The following ANTXR2 variants were observed in gnomAD, a reference collection of about 807,000 sequenced individuals.
The protein encoded by ANTXR2 is ANTXR cell adhesion molecule 2.
ANTXR2 carries 44 observed loss-of-function variants against 73.7 expected under a neutral mutation model. That is an observed-to-expected ratio of 0.60 (90% CI 0.47 to 0.77). ANTXR2 has a LOEUF of 0.77. Ranked by LOEUF, ANTXR2 falls within the 30% of genes least tolerant of loss-of-function variation. ANTXR2 has a pLI of 0.00. For synonymous variants in ANTXR2, 217 were observed against 205.9 expected (o/e 1.05, Z -0.46); for missense variants, 604 against 592.5 (o/e 1.02, Z -0.20).
chr4:79,961,127 G>T (rs1406626673), intron 16 of ANTXR2, among the ~76,000 whole-genome samples: 2 of 151,890 alleles, frequency 1.3e-5, no homozygotes, highest in African/African-American at 4.8e-5. Context: ...CTTGGACTGG[G>T]TCTTCTGAGC....
intron 7 of ANTXR2, among the ~76,000 whole-genome samples, chr4:80,036,453 A>G (rs909453739): frequency 1.3e-5 from 2 of 152,140 alleles, no homozygotes; most frequent in African/African-American, 4.8e-5. Flanking sequence ...CCAATATAAT[A>G]TCAATAAAAA....
chr4:79,991,842 T>G (rs952438233), intron 12 of ANTXR2, among the ~76,000 whole-genome samples: 3 of 152,092 alleles, frequency 2.0e-5, no homozygotes, highest in Admixed American at 2.0e-4. Context: ...CTCAGAGAAT[T>G]AGCACAGAAA....
chr4:80,031,255 G>GGTGTGTGCATGCACACACAT (rs138066321), intron 10 of ANTXR2, among the ~76,000 whole-genome samples: 15 of 151,492 alleles, frequency 9.9e-5, no homozygotes, highest in South Asian at 6.3e-4. Flanking sequence ...TTTTGAACTG[G>GGTGTGTGCATGCACACACAT]GTGTGTGCAT....
At chr4:79,937,209 T>C (rs941009833) in intron 16 of ANTXR2, among the ~76,000 whole-genome samples, 3 of 152,204 alleles carry the variant, frequency 2.0e-5, no homozygotes, top group African/African-American at 7.2e-5. Flanking sequence ...ATATTCTTAA[T>C]GAAGCAATTG....
intron 16 of ANTXR2, among the ~76,000 whole-genome samples, chr4:79,937,768 G>T (rs902265681): frequency 6.6e-6 from 1 of 151,864 alleles, no homozygotes; most frequent in East Asian, 1.9e-4. Context: ...AGCTCCCAGC[G>T]TGAGCGACGC....
intron 7 of ANTXR2, among the ~76,000 whole-genome samples, chr4:80,048,853 T>C (rs1301994606): frequency 6.6e-6 from 1 of 151,712 alleles, no homozygotes; most frequent in Non-Finnish European, 1.5e-5. Flanking sequence ...GAAGCTTATA[T>C]CTCCAGCACT....
intron 16 of ANTXR2, among the ~76,000 whole-genome samples, chr4:79,927,095 TAAAA>T (rs35207161): frequency 6.7e-6 from 1 of 149,630 alleles, no homozygotes; most frequent in African/African-American, 2.4e-5. Flanking sequence ...TATTCAGCCT[TAAAA>T]AAAAGGAGGT....
At chr4:80,006,093 A>G (rs1218143930) in intron 12 of ANTXR2, among the ~76,000 whole-genome samples, 2 of 152,158 alleles carry the variant, frequency 1.3e-5, no homozygotes, top group East Asian at 3.8e-4. Flanking sequence ...ATTGGGAGTC[A>G]TCAGGTCAGT....
At chr4:79,948,192 G>A (rs1438234464) in intron 16 of ANTXR2, among the ~76,000 whole-genome samples, 1 of 152,102 alleles carries the variant, frequency 6.6e-6, no homozygotes, top group Non-Finnish European at 1.5e-5. Context: ...TGCTAGTTAT[G>A]TGGCATCCTT....
rs759670548 is a variant in ANTXR2 at position 80,033,475 on chromosome 4, T to C, written c.793A>G (p.Thr265Ala). The C allele has an allele frequency of 1.3e-6, 2 of 1,594,826 alleles. No individual in the cohort carries two copies. The highest frequency in any genetic ancestry group is 3.5e-5 in the Admixed American group (2 of 57,146). The part of the protein sequence containing the change: ...CTYTVNETYT[T>A]SVKPVSVQLN... ...ACTGAGATTACTGGGGACCTACTCGTTGTATATGTTTCATTTACAGTGTAA... is the reference window on the plus strand; with the variant it reads ...ACTGAGATTACTGGGGACCTACTCGCTGTATATGTTTCATTTACAGTGTAA... The change falls in exon 9 of 17, where the codon ACG (threonine) becomes GCG (alanine). Residue 265 changes from threonine (T) to alanine (A), a missense_variant. Transcript: ENST00000403729.
At chr4:79,958,418 T>C (rs1267070296) in intron 16 of ANTXR2, among the ~76,000 whole-genome samples, 1 of 152,170 alleles carries the variant, frequency 6.6e-6, no homozygotes, top group African/African-American at 2.4e-5. Context: ...ATGAAAAGTG[T>C]ATTAAGAGCT....
At chr4:80,046,907 T>C (rs536129359) in intron 7 of ANTXR2, among the ~76,000 whole-genome samples, 3 of 151,714 alleles carry the variant, frequency 2.0e-5, no homozygotes, top group Admixed American at 2.0e-4. Flanking sequence ...AATTGTACAT[T>C]TTTCCTCATA....
In ANTXR2 at chr4:79,901,150, A is replaced by G. The variant is rs1726685462; in HGVS notation, c.*6279T>C. On this transcript the variant is annotated 3_prime_UTR_variant, in exon 17 of 17. Transcript: ENST00000403729. ...ACAGAGACTTTCAGAACTAGAGGATATTAAAAAAAGAACTAAAAAGAACAC... is the reference window on the plus strand; with the variant it reads ...ACAGAGACTTTCAGAACTAGAGGATGTTAAAAAAAGAACTAAAAAGAACAC... The G allele has an allele frequency of 6.6e-6, 1 of 152,220 alleles. No homozygotes were observed. Among genetic ancestry groups the G allele is most frequent in the Non-Finnish European group, 1.5e-5 (1 of 68,034 alleles). 9.4% of individuals were successfully genotyped at this position (152,220 alleles called of 1,614,324 possible). A position where few individuals can be genotyped will look rare whatever the true frequency, so the allele number is the denominator to read the frequency against.
intron 7 of ANTXR2, among the ~76,000 whole-genome samples, chr4:80,043,778 A>G (rs1409408508): frequency 1.3e-5 from 2 of 151,978 alleles, no homozygotes; most frequent in African/African-American, 4.8e-5. Flanking sequence ...CCTTGAGATT[A>G]TAGATGTTTG....
chr4:79,912,277 T>C (rs1223208581), intron 16 of ANTXR2, among the ~76,000 whole-genome samples: 1 of 151,970 alleles, frequency 6.6e-6, no homozygotes, highest in African/African-American at 2.4e-5. Context: ...AGTTATGTTG[T>C]AGCTGACCTT....
At position 80,029,337 on chromosome 4, in the gene ANTXR2, A is replaced by AT. The variant is rs78158361; in HGVS notation, c.866+2285dup. ...TAGTCACTATTATTTGAAAGCCAAG[A>AT]TTTTTTTTTTCTGCTTTAAATAGTA... is the stretch of plus-strand genomic sequence containing the variant. On this transcript the variant is annotated intron_variant, in intron 10 of 16. Coordinates refer to ENST00000403729, the MANE Select transcript of ANTXR2 (RefSeq NM_058172.6). Among the ~76,000 whole-genome samples the AT allele has an allele frequency of 4.5e-3, 684 of 150,620 alleles. 7 individuals are homozygous for AT. The highest frequency in any genetic ancestry group is 0.016 in the African/African-American group (638 of 41,104).
At chr4:79,924,928 C>T (rs1324233059) in intron 16 of ANTXR2, among the ~76,000 whole-genome samples, 1 of 152,102 alleles carries the variant, frequency 6.6e-6, no homozygotes, top group Non-Finnish European at 1.5e-5. Context: ...AACATCCTAT[C>T]ATTACAGATA....
chr4:79,980,727 CTCCGTTCCAGCTT>C (rs1159974767), intron 14 of ANTXR2, among the ~76,000 whole-genome samples: 1 of 152,074 alleles, frequency 6.6e-6, no homozygotes, highest in East Asian at 1.9e-4. Context: ...TTAACATCAT[CTCCGTTCCAGCTT>C]TCTAAAAATT....
At chr4:79,964,760 G>A (rs1729288816) in intron 16 of ANTXR2, 1 of 152,230 alleles carries the variant, frequency 6.6e-6, no homozygotes, top group Non-Finnish European at 1.5e-5. Flanking sequence ...CTAGCTGCGG[G>A]ATGGGGAGGC....
Sources: gnomAD v4.1 joint callset for allele counts (sites outside exome capture counted in the v4.1 genomes callset) on GRCh38, gnomAD v4.1.1 for gene constraint, MANE v1.5 for transcripts, NCBI Gene and HGNC (gene_info 2026-07-23, HGNC 2026-07-21) for gene names.